The following SLIT3 variants were observed in gnomAD, a reference collection of about 807,000 sequenced individuals.
SLIT3 encodes the protein slit guidance ligand 3.
Under a neutral mutation model 184.0 loss-of-function variants are expected in SLIT3, and 68 were observed. The ratio of observed to expected loss-of-function variants is 0.37; its 90% CI spans 0.30 to 0.45. The LOEUF (loss-of-function observed/expected upper bound fraction) is 0.45. Among genes scored for constraint, SLIT3 ranks in the 20% least tolerant of loss-of-function variants. The pLI is 1.00. For synonymous variants in SLIT3, 831 were observed against 828.6 expected, an observed-to-expected ratio of 1.00 and a Z score of -0.05; for missense variants, 1,707 against 2,026.0, an observed-to-expected ratio of 0.84 and a Z score of 3.02.
intron 4 of SLIT3, among the ~76,000 whole-genome samples, chr5:169,040,328 G>A (rs2113022158): frequency 6.6e-6 from 1 of 152,288 alleles, no homozygotes; most frequent in Middle Eastern, 3.4e-3. Flanking sequence ...CCACAGAGAG[G>A]AGGCTAAGTT....
intron 4 of SLIT3, among the ~76,000 whole-genome samples, chr5:168,919,277 A>G (rs946215159): frequency 2.7e-5 from 4 of 150,550 alleles, no homozygotes; most frequent in Admixed American, 6.6e-5. Context: ...AAAAAAAAAG[A>G]AACATAGGAT....
chr5:168,926,124 C>T (rs1982063), intron 4 of SLIT3, among the ~76,000 whole-genome samples: 18,352 of 151,634 alleles, frequency 0.12, 1,194 homozygotes, highest in Non-Finnish European at 0.16. Context: ...ATGGATGTGT[C>T]TATCTATCCA....
intron 4 of SLIT3, among the ~76,000 whole-genome samples, chr5:169,025,684 TAG>T (rs1367276727): frequency 4.6e-5 from 7 of 152,166 alleles, no homozygotes; most frequent in Non-Finnish European, 1.0e-4. Context: ...AGGGGCCTCC[TAG>T]AGTCATGGTA....
At chr5:168,751,991 G>A (rs1007574058) in intron 18 of SLIT3, among the ~76,000 whole-genome samples, 1 of 152,030 alleles carries the variant, frequency 6.6e-6, no homozygotes, top group South Asian at 2.1e-4. Context: ...CACCTGCCTC[G>A]GCCTCCCAAA....
intron 12 of SLIT3, among the ~76,000 whole-genome samples, chr5:168,775,642 A>T (rs1040575766): frequency 6.6e-6 from 1 of 152,102 alleles, no homozygotes; most frequent in Non-Finnish European, 1.5e-5. Context: ...CAGCCATTTT[A>T]TTCCTCCCTT....
intron 4 of SLIT3, among the ~76,000 whole-genome samples, chr5:168,973,786 T>C (rs908142048): frequency 2.0e-5 from 3 of 152,188 alleles, no homozygotes; most frequent in African/African-American, 4.8e-5. Context: ...ACTCACACCA[T>C]GCCTACCTCA....
chr5:168,909,251 A>T (rs1291319085), intron 4 of SLIT3, among the ~76,000 whole-genome samples: 1 of 152,242 alleles, frequency 6.6e-6, no homozygotes, highest in East Asian at 1.9e-4. Context: ...TGCTTACAGC[A>T]TGTGTTGGAA....
At chr5:169,285,929 C>T (rs746591009) in intron 1 of SLIT3, among the ~76,000 whole-genome samples, 5 of 152,176 alleles carry the variant, frequency 3.3e-5, no homozygotes, top group East Asian at 1.9e-4. Flanking sequence ...TACTGCACTA[C>T]GACGTAGAGA....
chr5:169,207,536 G>C (rs1764116074), intron 3 of SLIT3, among the ~76,000 whole-genome samples: 1 of 151,946 alleles, frequency 6.6e-6, no homozygotes, highest in Non-Finnish European at 1.5e-5. Flanking sequence ...GAAGGCAAAG[G>C]GCTCCACATT....
chr5:169,047,143 C>T lies in SLIT3; in HGVS notation c.413+146336G>A, dbSNP rs180961760. Among the ~76,000 whole-genome samples the T allele has an allele frequency of 5.3e-5, 8 of 152,260 alleles. No individual in the cohort carries two copies. In the East Asian group the frequency reaches 7.7e-4, roughly 15 times the overall value. ...CTTCCCCACCTGGATGTCCTGCAGA[C>T]GCCCCCAACTCAACGGGCCCAAAAG... On this transcript the variant is annotated intron_variant, in intron 4 of 35. Transcript: ENST00000519560.
At chr5:168,938,630 G>GATT (rs1002322004) in intron 4 of SLIT3, among the ~76,000 whole-genome samples, 5 of 152,054 alleles carry the variant, frequency 3.3e-5, no homozygotes, top group Non-Finnish European at 7.4e-5. Context: ...TCTACACAAT[G>GATT]ATTATTATTA....
intron 4 of SLIT3, among the ~76,000 whole-genome samples, chr5:169,122,926 A>T (rs1360446279): frequency 6.6e-6 from 1 of 152,208 alleles, no homozygotes; most frequent in Non-Finnish European, 1.5e-5. Flanking sequence ...TAGTTCTAAA[A>T]TCTAGGCCTG....
At position 168,963,546 on chromosome 5, in the gene SLIT3, A is replaced by G. The variant is rs567189691; in HGVS notation, c.414-80210T>C. 9.2e-5 allele frequency among the ~76,000 whole-genome samples: 14 copies of G among 152,358 alleles called. No individual in the cohort carries two copies. In the South Asian group the frequency reaches 2.5e-3, roughly 27 times the overall value. On this transcript the variant is annotated intron_variant, in intron 4 of 35. Coordinates refer to ENST00000519560, the MANE Select transcript of SLIT3 (RefSeq NM_003062.4). ...GCAAAGGTGAGTGGTTGTGACAGGG[A>G]CTATTCTAAGCCTAAAATATTTACT...
chr5:169,229,968 C>T (rs552203492), intron 3 of SLIT3, among the ~76,000 whole-genome samples: 4 of 152,220 alleles, frequency 2.6e-5, no homozygotes, highest in South Asian at 2.1e-4. Flanking sequence ...GACCCTGAGA[C>T]GAGGGATGTG....
intron 1 of SLIT3, among the ~76,000 whole-genome samples, chr5:169,259,743 A>G (rs1766101379): frequency 6.6e-6 from 1 of 152,128 alleles, no homozygotes; most frequent in South Asian, 2.1e-4. Context: ...GAACTACATG[A>G]CCTATGGAGT....
chr5:169,095,320 G>A lies in SLIT3; in HGVS notation c.413+98159C>T, dbSNP rs116079818. ...TCATCTTGCACCGAAAACCACATCT[G>A]ACTGGCACTTTTACATGTTATGGCA... On this transcript the variant is annotated intron_variant, in intron 4 of 35. Coordinates refer to ENST00000519560, the MANE Select transcript of SLIT3 (RefSeq NM_003062.4). 6.4e-3 allele frequency among the ~76,000 whole-genome samples: 969 copies of A among 152,206 alleles called. 7 individuals are homozygous for A. Among genetic ancestry groups the A allele is most frequent in the African/African-American group, 0.022 (914 of 41,538 alleles).
At position 168,881,790 on chromosome 5, in the gene SLIT3, A is replaced by G. The variant is rs568571628; in HGVS notation, c.485+1475T>C. Reference sequence around the variant, plus strand: ...TGAAGGTTTGGCTTTTCTGTATCTCATTTTCTCAGGAAGATATAAACTCAG... The same window carrying G: ...TGAAGGTTTGGCTTTTCTGTATCTCGTTTTCTCAGGAAGATATAAACTCAG... On this transcript the variant is annotated intron_variant, in intron 5 of 35. Coordinates refer to ENST00000519560, the MANE Select transcript of SLIT3 (RefSeq NM_003062.4). 7.2e-5 allele frequency among the ~76,000 whole-genome samples: 11 copies of G among 152,226 alleles called. No individual in the cohort carries two copies. In the East Asian group the frequency reaches 1.4e-3, roughly 19 times the overall value.
At chr5:169,027,784 G>A (rs1430285722) in intron 4 of SLIT3, among the ~76,000 whole-genome samples, 2 of 152,150 alleles carry the variant, frequency 1.3e-5, no homozygotes, top group Admixed American at 6.5e-5. Context: ...AGCCAGACTT[G>A]GAGGAGAGTT....
intron 4 of SLIT3, among the ~76,000 whole-genome samples, chr5:169,174,334 A>G (rs372957970): frequency 1.3e-5 from 2 of 152,200 alleles, no homozygotes; most frequent in African/African-American, 4.8e-5. Context: ...CCATGAGACC[A>G]CACACAGCCC....
Sources: gnomAD v4.1 joint callset for allele counts (sites outside exome capture counted in the v4.1 genomes callset) on GRCh38, gnomAD v4.1.1 for gene constraint, MANE v1.5 for transcripts, NCBI Gene and HGNC (gene_info 2026-07-23, HGNC 2026-07-21) for gene names.